The following SLC45A2 variants were observed in gnomAD, a reference collection of about 807,000 sequenced individuals.
The protein encoded by SLC45A2 is membrane-associated transporter protein.
Under a neutral mutation model 45.5 loss-of-function variants are expected in SLC45A2, and 36 were observed. That is an observed-to-expected ratio of 0.79 (90% CI 0.61 to 1.04). The LOEUF (loss-of-function observed/expected upper bound fraction) is 1.04. Ranked by LOEUF, SLC45A2 falls within the 50% of genes least tolerant of loss-of-function variation. SLC45A2 has a pLI of 0.00. For synonymous variants in SLC45A2, 306 were observed against 269.3 expected (o/e 1.14, Z -1.33); for missense variants, 719 against 671.0 (o/e 1.07, Z -0.79).
In SLC45A2 at chr5:33,984,174, TGCCCACCTTGTGCA is replaced by T. The variant is rs772039985; in HGVS notation, c.385+11_385+24del. ...ACACACTAAGACACATATCCCTGTC[TGCCCACCTTGTGCA>T]GCCCACTTACCTGCTACAACAGTAG... On this transcript the variant is annotated intron_variant, in intron 1 of 6. Coordinates refer to ENST00000296589, the MANE Select transcript of SLC45A2 (RefSeq NM_016180.5). 3.1e-6 allele frequency: 5 copies of T among 1,613,452 alleles called. No individual in the cohort carries two copies. The highest frequency in any genetic ancestry group is 4.2e-6 in the Non-Finnish European group (5 of 1,179,900).
rs2112020216 is a variant in SLC45A2 at position 33,984,252 on chromosome 5, A to G, written c.332T>C (p.Val111Ala). Residue 111 changes from valine to alanine, a missense_variant, in exon 1 of 7, where the codon GTC becomes GCC. Coordinates refer to ENST00000296589, the MANE Select transcript of SLC45A2 (RefSeq NM_016180.5). ...RRRPYILTLG[V>A]MMLVGMALYL... is the part of the protein sequence containing the mutation. ...CAGAGCCATGCCCACGAGCATCATGACTCCCAGGGTGAGGATGTAGGGTCT... is the reference window on the plus strand; with the variant it reads ...CAGAGCCATGCCCACGAGCATCATGGCTCCCAGGGTGAGGATGTAGGGTCT... 8.1e-6 allele frequency: 13 copies of G among 1,613,902 alleles called. No homozygotes were observed. Among genetic ancestry groups the G allele is most frequent in the Non-Finnish European group, 1.0e-5 (12 of 1,179,986 alleles).
At chr5:33,971,562 CG>C (rs994398527) in intron 2 of SLC45A2, 7 of 237,770 alleles carry the variant, frequency 2.9e-5, no homozygotes, top group Non-Finnish European at 5.8e-5. Flanking sequence ...CCTCAGCCTC[CG>C]GAGTGGCTCA....
chr5:33,972,220 CAG>C (rs1372730726), intron 2 of SLC45A2: 1 of 524,252 alleles, frequency 1.9e-6, no homozygotes, highest in African/African-American at 1.9e-5. Flanking sequence ...CTTCAGCTGA[CAG>C]AGAGATTCAG....
chr5:33,974,974 T>C (rs1752883040), intron 2 of SLC45A2, among the ~76,000 whole-genome samples: 1 of 150,056 alleles, frequency 6.7e-6, no homozygotes, highest in Non-Finnish European at 1.5e-5. Context: ...TTACGAATAA[T>C]GTCGATTGTC....
intron 6 of SLC45A2, 198 bp downstream of exon 6, chr5:33,946,962 AAGG>A (rs1751947893): frequency 6.7e-7 from 1 of 1,497,418 alleles, no homozygotes. Context: ...AGTTGAGAAT[AAGG>A]AGGACAGGAC....
chr5:33,978,271 T>G lies in SLC45A2; in HGVS notation c.562+3965A>C, dbSNP rs116711067. ...ATAGGATGCCAAATTCCAACCTGAC[T>G]CTGGTATACCATCACATGACAGATA... is the stretch of plus-strand genomic sequence containing the variant. On this transcript the variant is annotated intron_variant, in intron 2 of 6. Coordinates refer to ENST00000296589, the MANE Select transcript of SLC45A2 (RefSeq NM_016180.5). Among the ~76,000 whole-genome samples the G allele has an allele frequency of 5.2e-3, 792 of 152,294 alleles. 4 individuals are homozygous for G. Among genetic ancestry groups the G allele is most frequent in the African/African-American group, 0.018 (761 of 41,542 alleles).
At chr5:33,946,005 A>G in intron 6 of SLC45A2, 1 of 985,494 alleles carries the variant, frequency 1.0e-6, no homozygotes, top group Non-Finnish European at 1.2e-6. Flanking sequence ...ATCATTGTGA[A>G]TATATTATCT....
chr5:33,972,036 C>A (rs760659552), intron 2 of SLC45A2: 6 of 469,640 alleles, frequency 1.3e-5, no homozygotes, highest in African/African-American at 9.9e-5. Context: ...GCCACCACAC[C>A]TGGCCAGGAC....
intron 2 of SLC45A2, among the ~76,000 whole-genome samples, chr5:33,968,042 A>G (rs1752656233): frequency 1.3e-5 from 2 of 152,194 alleles, no homozygotes; most frequent in East Asian, 1.9e-4. Context: ...GCAAGTTAGA[A>G]TAGTACAACA....
intron 2 of SLC45A2, among the ~76,000 whole-genome samples, chr5:33,965,574 T>A (rs180696182): frequency 1.6e-4 from 25 of 152,342 alleles, no homozygotes; most frequent in African/African-American, 6.0e-4. Flanking sequence ...TATGGCCTAG[T>A]TATATGTGAT....
At chr5:33,972,510 G>A (rs1752815276) in intron 2 of SLC45A2, 2 of 208,778 alleles carry the variant, frequency 9.6e-6, no homozygotes, top group African/African-American at 2.4e-5. Context: ...TGTACTGAAG[G>A]AGGTATGTTT....
In SLC45A2 at chr5:33,984,451, T is replaced by C; in HGVS notation, c.133A>G (p.Arg45Gly). 1 of 1,613,822 alleles carries C rather than the reference T, an allele frequency of 6.2e-7. No individual in the cohort carries two copies. ...LIMHSMAMFGREFCYAVEAAY... is the reference protein window; with the variant it reads ...LIMHSMAMFGGEFCYAVEAAY... The stretch of plus-strand genomic sequence containing the variant: ...GCCTCCACCGCGTAGCAGAACTCTC[T>C]TCCGAACATGGCCATGCTGTGCATG... Residue 45 changes from arginine to glycine, a missense_variant, in exon 1 of 7, where the codon AGA (arginine) becomes GGA (glycine). Physicochemically the swap from Arg to Gly is moderately radical, Grantham distance 125. Transcript: ENST00000296589.
intron 5 of SLC45A2, 188 bp downstream of exon 5, chr5:33,951,366 C>A: frequency 6.8e-7 from 1 of 1,460,802 alleles, no homozygotes; most frequent in Admixed American, 2.4e-5. Flanking sequence ...GAAATGACAC[C>A]TAGAATTCAT....
At chr5:33,957,006 C>T (rs959164874) in intron 3 of SLC45A2, among the ~76,000 whole-genome samples, 16 of 152,024 alleles carry the variant, frequency 1.1e-4, no homozygotes, top group South Asian at 6.2e-4. Flanking sequence ...ATATAGGCCC[C>T]GATTCCTTAA....
intron 2 of SLC45A2, among the ~76,000 whole-genome samples, chr5:33,965,544 G>T (rs1279982655): frequency 2.0e-5 from 3 of 152,200 alleles, no homozygotes; most frequent in Non-Finnish European, 4.4e-5. Flanking sequence ...AAGACATATA[G>T]TCTCTGGAAG....
rs376190284 is a variant in SLC45A2, at chr5:33,968,934, T to C, written c.563-4918A>G. On this transcript the variant is annotated intron_variant, in intron 2 of 6. Coordinates refer to ENST00000296589, the MANE Select transcript of SLC45A2 (RefSeq NM_016180.5). ...TCATGAGAAAGTCGTTCTGATTCTT[T>C]TCTACATGTTGAAAAAAATAGCAAT... 2.5e-3 allele frequency among the ~76,000 whole-genome samples: 373 copies of C among 152,242 alleles called. 2 individuals are homozygous for C. The highest frequency in any genetic ancestry group is 8.6e-3 in the African/African-American group (356 of 41,550).
intron 5 of SLC45A2, among the ~76,000 whole-genome samples, chr5:33,950,371 G>A (rs982538208): frequency 1.3e-5 from 2 of 152,154 alleles, no homozygotes; most frequent in African/African-American, 4.8e-5. Flanking sequence ...CACACTCGAA[G>A]AGGAAGAAAA....
intron 2 of SLC45A2, among the ~76,000 whole-genome samples, chr5:33,978,905 G>A (rs996290702): frequency 6.6e-6 from 1 of 152,134 alleles, no homozygotes; most frequent in African/African-American, 2.4e-5. Flanking sequence ...AAGCTCAGAT[G>A]AGATGTACTA....
In SLC45A2 at chr5:33,947,226, G is replaced by A; in HGVS notation, c.1305C>T (p.Ser435=). The A allele has an allele frequency of 6.2e-7, 1 of 1,614,198 alleles. No individual in the cohort carries two copies. Among genetic ancestry groups the A allele is most frequent in the Non-Finnish European group, 8.5e-7 (1 of 1,180,040 alleles). ...TAAAGGGCACAGTGTACAGGGTGCT[G>A]GACATTACACCAAACAGGCTGCACA... ...LVLCSLFGVM[S]STLYTVPFNL... Residue 435 remains serine (S), a synonymous_variant, in exon 6 of 7, where the codon TCC becomes TCT. Coordinates refer to ENST00000296589, the MANE Select transcript of SLC45A2 (RefSeq NM_016180.5).
Sources: allele counts gnomAD v4.1 joint callset (sites outside exome capture counted in the v4.1 genomes callset), GRCh38; gene constraint gnomAD v4.1.1; transcripts MANE v1.5; gene names NCBI Gene and HGNC (gene_info 2026-07-23, HGNC 2026-07-21).